The following KDM6A variants were observed in gnomAD, a reference collection of about 807,000 sequenced individuals.
KDM6A encodes lysine-specific demethylase 6A.
Under a neutral mutation model 117.6 loss-of-function variants are expected in KDM6A, and 11 were observed. The ratio of observed to expected loss-of-function variants is 0.09; its 90% CI spans 0.06 to 0.15. KDM6A has a LOEUF of 0.15. Among genes scored for constraint, KDM6A ranks in the 10% least tolerant of loss-of-function variants. The pLI, the probability that KDM6A is intolerant of heterozygous loss-of-function variation, is 1.00. For missense variants in KDM6A, 799 were observed against 1,077.3 expected (o/e 0.74, Z 3.62); for synonymous variants, 384 against 396.1 (o/e 0.97, Z 0.36).
At chrX:45,049,242 G>C (rs1272122404) in intron 8 of KDM6A, among the ~76,000 whole-genome samples, 1 of 111,838 alleles carries the variant, frequency 8.9e-6, no homozygotes, top group Non-Finnish European at 1.9e-5. Context: ...TGTATGTTCT[G>C]ATTTCTAGAG....
At chrX:45,051,629 AT>A (rs1378743822) in intron 8 of KDM6A, 79 bp from the exon 9 acceptor site, 1 of 542,271 alleles carries the variant, frequency 1.8e-6, no homozygotes, top group Non-Finnish European at 3.1e-6. Flanking sequence ...AAACATCAGT[AT>A]TGTATAATTC....
At chrX:44,929,909 C>T (rs941827391) in intron 2 of KDM6A, among the ~76,000 whole-genome samples, 8 of 110,501 alleles carry the variant, frequency 7.2e-5, no homozygotes, top group Admixed American at 1.9e-4. Flanking sequence ...GTCATTGGGG[C>T]TGGTTGTACA....
chrX:45,088,408 C>T (rs993895755), intron 25 of KDM6A, among the ~76,000 whole-genome samples: 4 of 113,229 alleles, frequency 3.5e-5, no homozygotes, highest in African/African-American at 1.3e-4. Flanking sequence ...CCTGGTCATG[C>T]GCTGTCTGTC....
In KDM6A at chrX:45,050,919, T is replaced by C. The variant is rs1405919295; in HGVS notation, c.655-790T>C. 9.0e-5 allele frequency among the ~76,000 whole-genome samples: 10 copies of C among 111,645 alleles called. No individual in the cohort carries two copies. In the Admixed American group the frequency reaches 9.5e-4, roughly 11 times the overall value. ...TATTATAAATATTTTTATAAGATAT[T>C]TTATATATACTAGAAACTGTATCTT... On this transcript the variant is annotated intron_variant, in intron 8 of 29. Coordinates refer to ENST00000611820, the MANE Select transcript of KDM6A (RefSeq NM_001291415.2).
At chrX:45,011,253 T>C (rs1360500093) in intron 5 of KDM6A, among the ~76,000 whole-genome samples, 1 of 111,997 alleles carries the variant, frequency 8.9e-6, no homozygotes, top group African/African-American at 3.2e-5. Flanking sequence ...TAAGATTCTG[T>C]TGAAGAAGGC....
chrX:45,050,075 C>CA (rs2043766320), intron 8 of KDM6A, among the ~76,000 whole-genome samples: 1 of 113,021 alleles, frequency 8.8e-6, no homozygotes, highest in East Asian at 2.8e-4. Flanking sequence ...CGCGGTGGCT[C>CA]ACGCCTGTAA....
At chrX:45,093,987 A>G (rs2046000346) in intron 27 of KDM6A, among the ~76,000 whole-genome samples, 1 of 111,664 alleles carries the variant, frequency 9.0e-6, no homozygotes, top group Non-Finnish European at 1.9e-5. Context: ...TTCCTGTGAT[A>G]TTAACAATTC....
intron 8 of KDM6A, among the ~76,000 whole-genome samples, chrX:45,039,903 T>C (rs1197799875): frequency 1.9e-5 from 1 of 51,435 alleles, no homozygotes; most frequent in Admixed American, 2.3e-4. Flanking sequence ...GTCTCCCATG[T>C]CTACTTCTAT....
chrX:45,095,475 A>G (rs904849325), intron 27 of KDM6A, among the ~76,000 whole-genome samples: 9 of 111,626 alleles, frequency 8.1e-5, no homozygotes, highest in Admixed American at 1.9e-4. Context: ...TACGTGAGCT[A>G]TATAACAGGA....
intron 8 of KDM6A, among the ~76,000 whole-genome samples, chrX:45,042,025 G>A (rs1357618693): frequency 1.9e-5 from 2 of 108,046 alleles, no homozygotes; most frequent in Admixed American, 1.9e-4. Flanking sequence ...CGAGGCTGGC[G>A]GATCACTCGC....
chrX:44,985,046 A>G (rs1404913105), intron 4 of KDM6A, among the ~76,000 whole-genome samples: 2 of 110,002 alleles, frequency 1.8e-5, no homozygotes, highest in East Asian at 5.7e-4. Flanking sequence ...ACCCATGAGC[A>G]TGGAATGTTC....
intron 27 of KDM6A, among the ~76,000 whole-genome samples, chrX:45,093,882 A>G (rs1337168546): frequency 9.0e-6 from 1 of 110,830 alleles, no homozygotes; most frequent in African/African-American, 3.3e-5. Context: ...TTTCTTATAC[A>G]TTTCTTTTTT....
intron 2 of KDM6A, among the ~76,000 whole-genome samples, chrX:44,877,135 T>C (rs1245288113): frequency 1.8e-5 from 2 of 111,937 alleles, no homozygotes; most frequent in African/African-American, 6.5e-5. Context: ...CTTTTCCAGG[T>C]GTGCAGTTTA....
chrX:45,047,676 T>TTC (rs2043621469), intron 8 of KDM6A, among the ~76,000 whole-genome samples: 1 of 36,337 alleles, frequency 2.8e-5, no homozygotes, highest in African/African-American at 2.2e-4. Flanking sequence ...TTTTTTTTCT[T>TTC]TTTTTTTTTT....
chrX:44,980,787 T>C (rs778254050), intron 4 of KDM6A, among the ~76,000 whole-genome samples: 1 of 108,436 alleles, frequency 9.2e-6, no homozygotes, highest in Non-Finnish European at 1.9e-5. Context: ...GGATGCCCGT[T>C]AGTTTTTTTC....
At chrX:45,015,286 A>AT (rs922763698) in intron 5 of KDM6A, among the ~76,000 whole-genome samples, 10 of 107,158 alleles carry the variant, frequency 9.3e-5, no homozygotes, top group South Asian at 4.1e-4. Context: ...AATTTTTTGT[A>AT]TTTTTTTTTG....
intron 10 of KDM6A, among the ~76,000 whole-genome samples, chrX:45,056,370 A>T (rs779449931): frequency 9.0e-6 from 1 of 111,693 alleles, no homozygotes; most frequent in African/African-American, 3.2e-5. Flanking sequence ...GGGTTTGATG[A>T]CCCTCATATT....
At chrX:45,005,130 C>T (rs1055949028) in intron 4 of KDM6A, among the ~76,000 whole-genome samples, 21 of 110,486 alleles carry the variant, frequency 1.9e-4, no homozygotes, top group Non-Finnish European at 3.8e-4. Flanking sequence ...TTCTACCTCA[C>T]GCTGGAGTCC....
At chrX:45,065,881 A>C (rs778225724) in intron 17 of KDM6A, among the ~76,000 whole-genome samples, 5 of 109,262 alleles carry the variant, frequency 4.6e-5, no homozygotes, top group Admixed American at 9.6e-5. Flanking sequence ...CAAATGAAGA[A>C]AGTTTCAAGG....
Sources: gnomAD v4.1 joint callset for allele counts (sites outside exome capture counted in the v4.1 genomes callset) on GRCh38, gnomAD v4.1.1 for gene constraint, MANE v1.5 for transcripts, NCBI Gene and HGNC (gene_info 2026-07-23, HGNC 2026-07-21) for gene names.